The following PDE8A variants were observed in gnomAD, a reference collection of about 807,000 sequenced individuals.
PDE8A encodes the protein high affinity cAMP-specific and IBMX-insensitive 3',5'-cyclic phosphodiesterase 8A.
Under a neutral mutation model 105.0 loss-of-function variants are expected in PDE8A, and 59 were observed. The ratio of observed to expected loss-of-function variants is 0.56; its 90% CI spans 0.46 to 0.70. The LOEUF (loss-of-function observed/expected upper bound fraction) is 0.70, where lower values mean the gene tolerates loss of function less well. Among genes scored for constraint, PDE8A ranks in the 30% least tolerant of loss-of-function variants. The probability of loss-of-function intolerance (pLI) is 0.00; values close to 1 mark genes in which losing one functional copy is unlikely to be tolerated. For synonymous variants in PDE8A, 355 were observed against 371.9 expected (o/e 0.95, Z 0.52); for missense variants, 1,014 against 1,045.9 (o/e 0.97, Z 0.42).
chr15:85,090,091 G>C (rs1010711598), intron 7 of PDE8A, among the ~76,000 whole-genome samples: 2 of 152,176 alleles, frequency 1.3e-5, no homozygotes, highest in African/African-American at 4.8e-5. Flanking sequence ...CTTCCTTGTT[G>C]AAGAGGTGAT....
At chr15:85,019,467 T>C (rs1054889918) in intron 1 of PDE8A, among the ~76,000 whole-genome samples, 1 of 152,224 alleles carries the variant, frequency 6.6e-6, no homozygotes, top group African/African-American at 2.4e-5. Context: ...TTGCCCAGGC[T>C]GGACTAGAAC....
intron 1 of PDE8A, among the ~76,000 whole-genome samples, chr15:84,983,004 T>C (rs995332130): frequency 6.6e-6 from 1 of 152,254 alleles, no homozygotes; most frequent in African/African-American, 2.4e-5. Context: ...AGTTAATCTT[T>C]TATTAAGCCG....
chr15:85,029,265 A>G (rs1370411118), intron 1 of PDE8A, among the ~76,000 whole-genome samples: 1 of 152,136 alleles, frequency 6.6e-6, no homozygotes, highest in Non-Finnish European at 1.5e-5. Flanking sequence ...CTATTTTTTT[A>G]ATGACCCAAC....
rs186099610 is a variant in PDE8A at position 85,005,673 on chromosome 15, C to T, written c.186+23325C>T. 5.3e-5 allele frequency among the ~76,000 whole-genome samples: 8 copies of T among 152,292 alleles called. No individual in the cohort carries two copies. The East Asian group carries it at 1.3e-3, about 26-fold the overall frequency. Reference sequence around the variant, plus strand: ...TAGCCCAGGACACAGACACCTTATACACCTGTGGTGACAAATGAAAACTGT... The same window carrying T: ...TAGCCCAGGACACAGACACCTTATATACCTGTGGTGACAAATGAAAACTGT... On this transcript the variant is annotated intron_variant, in intron 1 of 21. Coordinates refer to ENST00000394553, the MANE Select transcript of PDE8A (RefSeq NM_002605.3).
chr15:85,013,025 G>A (rs1596442535), intron 1 of PDE8A, among the ~76,000 whole-genome samples: 1 of 152,090 alleles, frequency 6.6e-6, no homozygotes, highest in South Asian at 2.1e-4. Flanking sequence ...AGAAATCTGG[G>A]GATATTAAAT....
chr15:84,982,921 A>G (rs2079742570), intron 1 of PDE8A, among the ~76,000 whole-genome samples: 1 of 152,234 alleles, frequency 6.6e-6, no homozygotes, highest in South Asian at 2.1e-4. Flanking sequence ...TTATTAGCAT[A>G]CATACTGTAT....
At chr15:85,121,310 GGGA>G (rs1200441163) in intron 18 of PDE8A, among the ~76,000 whole-genome samples, 12 of 151,160 alleles carry the variant, frequency 7.9e-5, no homozygotes, top group Non-Finnish European at 1.6e-4. Context: ...CCAGCTACTC[GGGA>G]GGCTAAGGTG....
At position 84,992,375 on chromosome 15, in the gene PDE8A, C is replaced by T. The variant is rs538556289; in HGVS notation, c.186+10027C>T. Among the ~76,000 whole-genome samples, 13 of 152,042 alleles carry T rather than the reference C, an allele frequency of 8.6e-5. No individual in the cohort carries two copies. In the South Asian group the frequency reaches 1.9e-3, roughly 22 times the overall value. ...CTCTGGATAAGGGGAAGGAAGGGTA[C>T]GGGGGTTGGGTGCATGTTCCAATTA... On this transcript the variant is annotated intron_variant, in intron 1 of 21. Transcript: ENST00000394553.
intron 1 of PDE8A, among the ~76,000 whole-genome samples, chr15:85,036,262 A>G (rs986775640): frequency 6.6e-6 from 1 of 151,880 alleles, no homozygotes; most frequent in African/African-American, 2.4e-5. Flanking sequence ...TCTTGGTACT[A>G]CTCTATTCTA....
At chr15:84,985,965 C>G (rs1298050372) in intron 1 of PDE8A, among the ~76,000 whole-genome samples, 1 of 152,148 alleles carries the variant, frequency 6.6e-6, no homozygotes, top group East Asian at 1.9e-4. Context: ...TGGCTCATGT[C>G]TATAGTCCCA....
At chr15:85,052,026 A>G (rs1158629531) in intron 1 of PDE8A, among the ~76,000 whole-genome samples, 1 of 149,624 alleles carries the variant, frequency 6.7e-6, no homozygotes, top group Non-Finnish European at 1.5e-5. Context: ...CCTGTGTCCA[A>G]GTGTTCTCAT....
At chr15:85,130,612 T>C (rs1334217064) in intron 20 of PDE8A, among the ~76,000 whole-genome samples, 3 of 152,202 alleles carry the variant, frequency 2.0e-5, no homozygotes, top group Non-Finnish European at 4.4e-5. Flanking sequence ...TCAAACTCTA[T>C]TGTCTCATTG....
chr15:85,009,100 AGAGAGAGAGAGTGTGT>A (rs2080197160), intron 1 of PDE8A, among the ~76,000 whole-genome samples: 1 of 78,324 alleles, frequency 1.3e-5, no homozygotes, highest in South Asian at 4.1e-4. Flanking sequence ...TGAGAGAGAG[AGAGAGAGAGAGTGTGT>A]GTGTGTGTGT....
intron 5 of PDE8A, among the ~76,000 whole-genome samples, chr15:85,078,256 C>CGG (rs1555475019): frequency 2.0e-5 from 3 of 151,324 alleles, no homozygotes; most frequent in Admixed American, 2.0e-4. Context: ...AAGTGGAAAA[C>CGG]AAGACAGTGG....
Position 85,138,168 on chromosome 15 carries a change from C to G in PDE8A, c.*265C>G. On this transcript the variant is annotated 3_prime_UTR_variant, in exon 22 of 22. Transcript: ENST00000394553. ...TGAGGACCACGGTTTGCCTCAGTTT[C>G]TGGTAAAACACAAGGTCTGGAGTGC... 1 of 371,462 alleles carries G rather than the reference C, an allele frequency of 2.7e-6. No homozygotes were observed. The highest frequency in any genetic ancestry group is 4.9e-6 in the Non-Finnish European group (1 of 203,934). The allele number at this position is 371,462 out of a possible 1,614,324, so 23.0% of individuals were successfully genotyped here.
chr15:85,023,912 G>A (rs1006832151), intron 1 of PDE8A, among the ~76,000 whole-genome samples: 2 of 152,132 alleles, frequency 1.3e-5, no homozygotes, highest in Non-Finnish European at 1.5e-5. Flanking sequence ...CATTTTGGTT[G>A]CCAAGGGATC....
intron 20 of PDE8A, among the ~76,000 whole-genome samples, chr15:85,134,256 G>C (rs1470905779): frequency 3.3e-5 from 5 of 152,258 alleles, no homozygotes; most frequent in Non-Finnish European, 7.3e-5. Context: ...GGATGACTGA[G>C]TGGCTGAGCT....
chr15:85,019,401 A>G lies in PDE8A; in HGVS notation c.186+37053A>G, dbSNP rs1205450561. ...AATTTTTGATTTGAGTGATGGGTTT[A>G]TGAGTGTTCTTAACACTTTTAAAAT... On this transcript the variant is annotated intron_variant, in intron 1 of 21. Coordinates refer to ENST00000394553, the MANE Select transcript of PDE8A (RefSeq NM_002605.3). 7.2e-5 allele frequency among the ~76,000 whole-genome samples: 11 copies of G among 152,256 alleles called. No individual in the cohort carries two copies. In the East Asian group the frequency reaches 1.9e-3, roughly 27 times the overall value.
intron 1 of PDE8A, among the ~76,000 whole-genome samples, chr15:85,012,530 A>C (rs1197211405): frequency 8.2e-6 from 1 of 121,520 alleles, no homozygotes; most frequent in Non-Finnish European, 1.6e-5. Context: ...GGGGAACATC[A>C]CACTCTGGGG....
Sources: gnomAD v4.1 joint callset for allele counts (sites outside exome capture counted in the v4.1 genomes callset) on GRCh38, gnomAD v4.1.1 for gene constraint, MANE v1.5 for transcripts, NCBI Gene and HGNC (gene_info 2026-07-23, HGNC 2026-07-21) for gene names.